Variants in RTL4 observed in about 807,000 individuals in gnomAD.
RTL4 encodes the protein retrotransposon Gag like 4.
A neutral mutation model predicts 5.3 loss-of-function variants in RTL4; 4 were observed. That is an observed-to-expected ratio of 0.75 (90% CI 0.37 to 1.72). The LOEUF is 1.72. RTL4 is among the 40% of genes most tolerant of loss of function. RTL4 has a pLI of 0.04. For missense variants in RTL4, 260 were observed against 227.1 expected, an observed-to-expected ratio of 1.14 and a Z score of -0.93; for synonymous variants, 98 against 87.3, an observed-to-expected ratio of 1.12 and a Z score of -0.68.
chrX:112,167,663 T>A, the RTL4 span, among the ~76,000 whole-genome samples: 1 of 109,097 alleles, frequency 9.2e-6, no homozygotes, highest in East Asian at 2.8e-4. Flanking sequence ...GAAACCAAGT[T>A]TAAGTGAGGT....
the RTL4 span, among the ~76,000 whole-genome samples, chrX:112,175,305 C>T: frequency 3.2e-5 from 3 of 94,354 alleles, no homozygotes; most frequent in Non-Finnish European, 6.3e-5. Flanking sequence ...TATGGCTAGC[C>T]AGTTTTCCCA....
the RTL4 span, among the ~76,000 whole-genome samples, chrX:112,258,681 A>G: frequency 9.1e-6 from 1 of 110,466 alleles, no homozygotes; most frequent in Non-Finnish European, 1.9e-5. Flanking sequence ...TATGTTTAGG[A>G]TAGCTTTTGT....
the RTL4 span, among the ~76,000 whole-genome samples, chrX:112,186,247 T>C: frequency 3.6e-5 from 4 of 112,139 alleles, no homozygotes; most frequent in African/African-American, 1.3e-4. Context: ...GGACCAATTC[T>C]AACTTGGTGT....
chrX:112,121,386 C>G, the RTL4 span, among the ~76,000 whole-genome samples: 1 of 111,157 alleles, frequency 9.0e-6, no homozygotes, highest in East Asian at 2.8e-4. Flanking sequence ...ACACTAACAA[C>G]AAAAAGAACA....
the RTL4 span, among the ~76,000 whole-genome samples, chrX:112,202,622 G>A: frequency 5.6e-4 from 60 of 107,282 alleles, no homozygotes; most frequent in African/African-American, 2.0e-3. Context: ...GTGAAGTGGC[G>A]CGATCTCAGC....
chrX:112,444,015 C>T, the RTL4 span, among the ~76,000 whole-genome samples: 1 of 111,314 alleles, frequency 9.0e-6, no homozygotes, highest in Non-Finnish European at 1.9e-5. Context: ...AAATTTTTGC[C>T]CAGTCCAATG....
At chrX:112,276,385 C>T in the RTL4 span, among the ~76,000 whole-genome samples, 1 of 111,722 alleles carries the variant, frequency 9.0e-6, no homozygotes, top group East Asian at 2.8e-4. Flanking sequence ...CAAAAACAAC[C>T]CAGTTTACAT....
the RTL4 span, among the ~76,000 whole-genome samples, chrX:112,354,788 A>T: frequency 9.0e-6 from 1 of 111,118 alleles, no homozygotes; most frequent in African/African-American, 3.3e-5. Flanking sequence ...ACTTCAAAAC[A>T]TTAAGAGGGC....
At chrX:112,148,220 C>T in the RTL4 span, among the ~76,000 whole-genome samples, 1 of 108,031 alleles carries the variant, frequency 9.3e-6, no homozygotes, top group Non-Finnish European at 1.9e-5. Flanking sequence ...TTGCTCTGTA[C>T]AGTGATGTGA....
chrX:112,402,304 G>C, the RTL4 span, among the ~76,000 whole-genome samples: 1 of 110,348 alleles, frequency 9.1e-6, no homozygotes, highest in Non-Finnish European at 1.9e-5. Context: ...CCTTCTCTCA[G>C]TATCTTGCAA....
chrX:112,321,579 A>AAGAC, the RTL4 span, among the ~76,000 whole-genome samples: 5,970 of 109,184 alleles, frequency 0.055, 437 homozygotes, highest in African/African-American at 0.19. Context: ...AGAAAGAAGA[A>AAGAC]AGACAGACAG....
chrX:112,238,765 CA>C, the RTL4 span, among the ~76,000 whole-genome samples: 1 of 111,179 alleles, frequency 9.0e-6, no homozygotes, highest in Non-Finnish European at 1.9e-5. Context: ...CAGGCACAGA[CA>C]AAAAGCTCCA....
At chrX:112,283,933 T>C in the RTL4 span, among the ~76,000 whole-genome samples, 1 of 110,455 alleles carries the variant, frequency 9.1e-6, no homozygotes, top group Non-Finnish European at 1.9e-5. Context: ...TCTACCAATC[T>C]AGCACCTACG....
chrX:112,296,025 C>A, the RTL4 span, among the ~76,000 whole-genome samples: 3 of 111,963 alleles, frequency 2.7e-5, no homozygotes, highest in Non-Finnish European at 5.6e-5. Flanking sequence ...TTGTCCTCTA[C>A]CACACTGCAG....
At chrX:112,450,663 C>T (rs904924504), upstream of RTL4, among the ~76,000 whole-genome samples, 4 of 111,848 alleles carry the variant, frequency 3.6e-5, no homozygotes, top group African/African-American at 1.3e-4. Flanking sequence ...ATAATCTTAG[C>T]AAGTGTTTCA....
chrX:112,347,555 A>G, the RTL4 span, among the ~76,000 whole-genome samples: 27 of 111,793 alleles, frequency 2.4e-4, no homozygotes, highest in African/African-American at 8.4e-4. Context: ...CTGAGATACA[A>G]TCAAGAAAAC....
chrX:112,246,561 T>G, the RTL4 span, among the ~76,000 whole-genome samples: 1 of 112,128 alleles, frequency 8.9e-6, no homozygotes, highest in Admixed American at 9.4e-5. Flanking sequence ...TGCCATTTGC[T>G]AAGACTGTTG....
the RTL4 span, among the ~76,000 whole-genome samples, chrX:112,270,135 T>G: frequency 8.9e-6 from 1 of 112,356 alleles, no homozygotes; most frequent in Non-Finnish European, 1.9e-5. Flanking sequence ...TTGGGAAATT[T>G]CACCTTTAGA....
the RTL4 span, among the ~76,000 whole-genome samples, chrX:112,363,087 G>A: frequency 9.0e-6 from 1 of 110,855 alleles, no homozygotes; most frequent in African/African-American, 3.3e-5. Flanking sequence ...AAGGGTAAAG[G>A]TGGGAGAGAA....
Sources: allele counts gnomAD v4.1 joint callset (sites outside exome capture counted in the v4.1 genomes callset), GRCh38; gene constraint gnomAD v4.1.1; transcripts MANE v1.5; gene names NCBI Gene and HGNC (gene_info 2026-07-23, HGNC 2026-07-21).